Variants in NBAS observed in about 807,000 individuals in gnomAD.
NBAS encodes the protein NBAS subunit of NRZ tethering complex.
Under a neutral mutation model 302.5 loss-of-function variants are expected in NBAS, and 219 were observed. The observed-to-expected ratio is 0.72, with a 90% CI of 0.65 to 0.81. NBAS has a LOEUF of 0.81. Among genes scored for constraint, NBAS ranks in the 30% least tolerant of loss-of-function variants. The pLI is 0.00. For missense variants in NBAS, 2,932 were observed against 2,841.6 expected, an observed-to-expected ratio of 1.03 and a Z score of -0.72; for synonymous variants, 1,118 against 1,021.6, an observed-to-expected ratio of 1.09 and a Z score of -1.80.
At chr2:15,070,291 G>A in the NBAS span, among the ~76,000 whole-genome samples, 1 of 152,166 alleles carries the variant, frequency 6.6e-6, no homozygotes, top group East Asian at 1.9e-4. Context: ...CTTGAGGATA[G>A]ACCACAGCTC....
At chr2:15,056,260 G>A in the NBAS span, among the ~76,000 whole-genome samples, 4 of 152,190 alleles carry the variant, frequency 2.6e-5, no homozygotes, top group Admixed American at 1.3e-4. Context: ...TAGATGATAG[G>A]AAAGAATCAA....
At chr2:15,077,191 T>G in the NBAS span, among the ~76,000 whole-genome samples, 7 of 152,178 alleles carry the variant, frequency 4.6e-5, no homozygotes, top group Non-Finnish European at 7.3e-5. Flanking sequence ...ACGTCTTACA[T>G]GGCAGCAGGA....
chr2:15,112,535 T>C, the NBAS span, among the ~76,000 whole-genome samples: 57,572 of 151,956 alleles, frequency 0.38, 11,529 homozygotes, highest in African/African-American at 0.52. Context: ...AATATACACA[T>C]ATGCAAAACT....
At chr2:15,080,992 C>T in the NBAS span, among the ~76,000 whole-genome samples, 12 of 152,060 alleles carry the variant, frequency 7.9e-5, no homozygotes, top group African/African-American at 7.2e-5. Flanking sequence ...AATTTACAGC[C>T]GCTTTTCAAC....
At chr2:14,834,098 T>C in the NBAS span, among the ~76,000 whole-genome samples, 1 of 152,164 alleles carries the variant, frequency 6.6e-6, no homozygotes, top group African/African-American at 2.4e-5. Flanking sequence ...TGGATTTAAA[T>C]ATTTATGATT....
intron 21 of NBAS, among the ~76,000 whole-genome samples, chr2:15,445,675 A>C (rs954990793): frequency 6.6e-6 from 1 of 151,716 alleles, no homozygotes; most frequent in African/African-American, 2.4e-5. Flanking sequence ...AAATTTTTAA[A>C]TTTACTTTCA....
At chr2:15,233,290 G>A (rs1389334964) in intron 46 of NBAS, among the ~76,000 whole-genome samples, 2 of 152,122 alleles carry the variant, frequency 1.3e-5, no homozygotes, top group African/African-American at 4.8e-5. Context: ...TCTTCTGTGT[G>A]CCAAGTATAC....
intron 35 of NBAS, among the ~76,000 whole-genome samples, chr2:15,347,686 C>T (rs1326323717): frequency 6.6e-6 from 1 of 152,138 alleles, no homozygotes; most frequent in African/African-American, 2.4e-5. Flanking sequence ...CTAGAGAAAA[C>T]ACCATTGGTT....
the NBAS span, among the ~76,000 whole-genome samples, chr2:14,836,638 G>GT: frequency 6.6e-6 from 1 of 151,912 alleles, no homozygotes; most frequent in East Asian, 1.9e-4. Context: ...TTTAAAACAA[G>GT]TTTTTTATAT....
chr2:15,155,232 G>T, the NBAS span, among the ~76,000 whole-genome samples: 22 of 152,244 alleles, frequency 1.4e-4, no homozygotes, highest in African/African-American at 4.8e-4. Flanking sequence ...TTGTAATTAA[G>T]TTCTAGAGAA....
chr2:15,308,449 T>C, intron 39 of NBAS, 96 bp from the exon 40 acceptor site: 1 of 1,484,588 alleles, frequency 6.7e-7, no homozygotes, highest in Non-Finnish European at 9.2e-7. Flanking sequence ...AGATTTTTTG[T>C]ACAAAGTTCC....
chr2:15,023,091 T>G, the NBAS span, among the ~76,000 whole-genome samples: 6 of 152,288 alleles, frequency 3.9e-5, no homozygotes, highest in African/African-American at 1.4e-4. Context: ...TTTCTAGAGA[T>G]ATATATGTGC....
chr2:14,915,978 C>T, the NBAS span, among the ~76,000 whole-genome samples: 1 of 152,172 alleles, frequency 6.6e-6, no homozygotes, highest in Non-Finnish European at 1.5e-5. Context: ...GCCTCCCCAG[C>T]CACATGGAAC....
intron 11 of NBAS, among the ~76,000 whole-genome samples, chr2:15,498,782 A>G (rs1324736527): frequency 6.6e-6 from 1 of 151,728 alleles, no homozygotes; most frequent in African/African-American, 2.4e-5. Context: ...CTGCTCCACC[A>G]TGGTAAAGAT....
At chr2:15,087,349 T>C in the NBAS span, among the ~76,000 whole-genome samples, 2 of 152,228 alleles carry the variant, frequency 1.3e-5, no homozygotes, top group African/African-American at 4.8e-5. Context: ...GAGTAACTTC[T>C]GGGCAGTATC....
At chr2:15,360,800 G>A (rs1435388718) in intron 32 of NBAS, among the ~76,000 whole-genome samples, 3 of 152,004 alleles carry the variant, frequency 2.0e-5, no homozygotes, top group Non-Finnish European at 4.4e-5. Context: ...AGGCCTTCGG[G>A]CCATAACACA....
At chr2:15,026,790 A>T in the NBAS span, among the ~76,000 whole-genome samples, 1 of 152,136 alleles carries the variant, frequency 6.6e-6, no homozygotes. Flanking sequence ...TCTTTAATTT[A>T]TCTGAAATAT....
chr2:15,076,627 G>A, the NBAS span, among the ~76,000 whole-genome samples: 1 of 152,170 alleles, frequency 6.6e-6, no homozygotes. Flanking sequence ...TGAGCTATCA[G>A]CTACCTTCAT....
Position 15,533,679 on chromosome 2 carries a change from C to CGTGTGTGT in NBAS, c.746+856_746+863dup, listed in dbSNP as rs59222907. ...CACAAGGAGGACTTCGGGGGGTGTG[C>CGTGTGTGT]GTGTGTGTGTGTGTGTGTGTGTGTG... On this transcript the variant is annotated intron_variant, in intron 9 of 51. Transcript: ENST00000281513. Among the ~76,000 whole-genome samples, 415 of 144,010 alleles carry CGTGTGTGT rather than the reference C, an allele frequency of 2.9e-3. 3 individuals are homozygous for CGTGTGTGT. The highest frequency in any genetic ancestry group is 0.012 in the East Asian group (53 of 4,604). 94.5% of individuals were successfully genotyped at this position (144,010 alleles called of 152,430 possible).
Sources: allele counts gnomAD v4.1 joint callset (sites outside exome capture counted in the v4.1 genomes callset), GRCh38; gene constraint gnomAD v4.1.1; transcripts MANE v1.5; gene names NCBI Gene and HGNC (gene_info 2026-07-23, HGNC 2026-07-21).